TPX2: variants seen among roughly 807,000 people sequenced by gnomAD.
The protein encoded by TPX2 is targeting protein for Xklp2.
Under a neutral mutation model 93.6 loss-of-function variants are expected in TPX2, and 21 were observed. The observed-to-expected ratio is 0.22, with a 90% CI of 0.16 to 0.32. TPX2 has a LOEUF of 0.32. TPX2 is among the 10% of genes least tolerant of loss of function. The probability of loss-of-function intolerance (pLI) is 1.00; values close to 1 mark genes in which losing one functional copy is unlikely to be tolerated. For synonymous variants in TPX2, 281 were observed against 298.3 expected, an observed-to-expected ratio of 0.94 and a Z score of 0.60; for missense variants, 776 against 871.1, an observed-to-expected ratio of 0.89 and a Z score of 1.37.
intron 12 of TPX2, 62 bp from the exon 13 acceptor site, chr20:31,792,670 ATCT>A (rs2062109384): frequency 2.8e-6 from 4 of 1,445,072 alleles, no homozygotes; most frequent in South Asian, 2.3e-5. Flanking sequence ...AAAGGATTTA[ATCT>A]TCTCATACAG....
chr20:31,751,529 G>T (rs868444588), intron 2 of TPX2, among the ~76,000 whole-genome samples: 1 of 152,116 alleles, frequency 6.6e-6, no homozygotes, highest in Non-Finnish European at 1.5e-5. Flanking sequence ...GAGAGGAAAG[G>T]TATCAGCAGT....
intron 11 of TPX2, among the ~76,000 whole-genome samples, chr20:31,782,926 AC>A: frequency 6.8e-6 from 1 of 146,944 alleles, no homozygotes; most frequent in Non-Finnish European, 1.5e-5. Context: ...ACACACACAC[AC>A]ACACAAAATC....
intron 8 of TPX2, 147 bp downstream of exon 8, chr20:31,776,135 C>T (rs2061997543): frequency 4.8e-6 from 4 of 825,618 alleles, no homozygotes; most frequent in Non-Finnish European, 6.1e-6. Context: ...CTGCGGACTG[C>T]AGTGGCGCAA....
chr20:31,751,538 G>C (rs2122962894), intron 2 of TPX2, among the ~76,000 whole-genome samples: 1 of 152,240 alleles, frequency 6.6e-6, no homozygotes, highest in African/African-American at 2.4e-5. Context: ...GGTATCAGCA[G>C]TGATAATACC....
At chr20:31,745,234 T>C (rs1409742665) in intron 2 of TPX2, among the ~76,000 whole-genome samples, 1 of 152,158 alleles carries the variant, frequency 6.6e-6, no homozygotes, top group Non-Finnish European at 1.5e-5. Context: ...TATATTTGCA[T>C]GGTGCAAAAA....
chr20:31,792,501 T>C (rs1320970368), intron 12 of TPX2, among the ~76,000 whole-genome samples: 2 of 152,128 alleles, frequency 1.3e-5, no homozygotes, highest in Non-Finnish European at 2.9e-5. Context: ...AGATTAATTA[T>C]ATTTTAAAAA....
intron 2 of TPX2, among the ~76,000 whole-genome samples, chr20:31,750,408 C>T (rs1568920932): frequency 6.6e-6 from 1 of 152,104 alleles, no homozygotes; most frequent in Non-Finnish European, 1.5e-5. Flanking sequence ...CCCGCCTTGG[C>T]CTCCCAAAGT....
intron 3 of TPX2, 31 bp from the exon 4 acceptor site, chr20:31,760,026 A>G (rs765657469): frequency 1.9e-6 from 3 of 1,609,152 alleles, no homozygotes; most frequent in Non-Finnish European, 2.5e-6. Flanking sequence ...TTCCTTGCTG[A>G]TCAGACAATG....
intron 2 of TPX2, among the ~76,000 whole-genome samples, chr20:31,745,097 A>G (rs1403386992): frequency 2.0e-5 from 3 of 152,214 alleles, no homozygotes; most frequent in Non-Finnish European, 4.4e-5. Context: ...CAAAAAACAA[A>G]CAAACAAAAC....
At chr20:31,767,744 A>G (rs2061937028) in intron 5 of TPX2, among the ~76,000 whole-genome samples, 2 of 151,952 alleles carry the variant, frequency 1.3e-5, no homozygotes, top group Admixed American at 6.6e-5. Flanking sequence ...TGTACAGACA[A>G]GGTTTTACGA....
intron 8 of TPX2, 62 bp downstream of exon 8, chr20:31,776,050 G>GTTTTTTTTTTTTTTTTTTTTTTTTTTTT (rs10528470): frequency 3.1e-6 from 1 of 325,920 alleles, no homozygotes; most frequent in Non-Finnish European, 4.1e-6. Flanking sequence ...CTTGGTAGGT[G>GTTTTTTTTTTTTTTTTTTTTTTTTTTTT]TTTTTTTTTT....
At chr20:31,788,835 G>T (rs955234892) in intron 12 of TPX2, among the ~76,000 whole-genome samples, 1 of 152,202 alleles carries the variant, frequency 6.6e-6, no homozygotes, top group African/African-American at 2.4e-5. Context: ...AATTTTAGCA[G>T]AGATACTTTA....
intron 3 of TPX2, among the ~76,000 whole-genome samples, chr20:31,758,889 C>T (rs1248630739): frequency 6.6e-6 from 1 of 151,592 alleles, no homozygotes; most frequent in Admixed American, 6.6e-5. Context: ...CTAAGCTTTT[C>T]TTTAAAATAA....
At chr20:31,799,925 G>GTGTAAGT (rs901489260) in intron 17 of TPX2, among the ~76,000 whole-genome samples, 2 of 146,024 alleles carry the variant, frequency 1.4e-5, no homozygotes, top group Admixed American at 7.0e-5. Flanking sequence ...AAAAAAAGAA[G>GTGTAAGT]TGTAAGTTGT....
intron 4 of TPX2, among the ~76,000 whole-genome samples, chr20:31,760,454 A>G (rs941668580): frequency 2.0e-5 from 3 of 151,472 alleles, no homozygotes; most frequent in African/African-American, 7.3e-5. Context: ...TGGCACAGTC[A>G]TAGCTCACTG....
At chr20:31,741,000 A>G (rs2061750197) in intron 1 of TPX2, among the ~76,000 whole-genome samples, 1 of 152,244 alleles carries the variant, frequency 6.6e-6, no homozygotes, top group African/African-American at 2.4e-5. Context: ...AATAGGGTTT[A>G]TTTGGCCAAC....
At chr20:31,766,520 G>A (rs1487116126) in intron 4 of TPX2, 36 bp from the exon 5 acceptor site, 4 of 1,567,940 alleles carry the variant, frequency 2.6e-6, no homozygotes, top group Middle Eastern at 1.7e-4. Flanking sequence ...ATTTTCCTTG[G>A]CCTTTGAGTG....
chr20:31,766,674 G>A lies in TPX2; in HGVS notation c.348G>A (p.Gln116=). Residue 116 remains glutamine, a synonymous_variant, in exon 5 of 18, where the codon CAG becomes CAA. Transcript: ENST00000300403. ...CCATATCAAGAAAAACTCCAGCCCA[G>A]CCTCAGAGGTAAGACTTTGGAATCT... ...EAAISRKTPA[Q]PQRRSLRLSA... The A allele has an allele frequency of 6.2e-7, 1 of 1,612,494 alleles. No individual in the cohort carries two copies. The highest frequency in any genetic ancestry group is 1.7e-5 in the Admixed American group (1 of 59,636).
At chr20:31,751,781 C>T (rs1044138046) in intron 2 of TPX2, among the ~76,000 whole-genome samples, 1 of 152,182 alleles carries the variant, frequency 6.6e-6, no homozygotes, top group Non-Finnish European at 1.5e-5. Flanking sequence ...TCACTCTTGT[C>T]ACCCAGGCTG....
Sources: gnomAD v4.1 joint callset for allele counts (sites outside exome capture counted in the v4.1 genomes callset) on GRCh38, gnomAD v4.1.1 for gene constraint, MANE v1.5 for transcripts, NCBI Gene and HGNC (gene_info 2026-07-23, HGNC 2026-07-21) for gene names.